The following CMTM4 variants were observed in gnomAD, a reference collection of about 807,000 sequenced individuals.
The protein encoded by CMTM4 is CKLF-like MARVEL transmembrane domain-containing protein 4.
A neutral mutation model predicts 19.0 loss-of-function variants in CMTM4; 8 were observed. The observed-to-expected ratio is 0.42, with a 90% CI of 0.25 to 0.76. CMTM4 has a LOEUF of 0.76. CMTM4 is among the 30% of genes least tolerant of loss of function. CMTM4 has a pLI of 0.27. For missense variants in CMTM4, 228 were observed against 290.2 expected (o/e 0.79, Z 1.56); for synonymous variants, 106 against 121.1 (o/e 0.88, Z 0.82).
At chr16:66,628,224 G>T (rs2015782418) in intron 2 of CMTM4, among the ~76,000 whole-genome samples, 1 of 152,176 alleles carries the variant, frequency 6.6e-6, no homozygotes, top group South Asian at 2.1e-4. Context: ...GTTCCCAGGG[G>T]CAGGCAGGAG....
intron 1 of CMTM4, among the ~76,000 whole-genome samples, chr16:66,689,942 C>T (rs370569955): frequency 3.5e-4 from 54 of 152,256 alleles, no homozygotes; most frequent in African/African-American, 1.2e-3. Context: ...TTTTGTAAAA[C>T]ACATGTACGC....
In CMTM4 at chr16:66,620,221, G is replaced by A; in HGVS notation, c.*1837C>T. 2 of 985,434 alleles carry A rather than the reference G, an allele frequency of 2.0e-6. No individual in the cohort carries two copies. Among genetic ancestry groups the A allele is most frequent in the Non-Finnish European group, 2.4e-6 (2 of 829,938 alleles). The allele number at this position is 985,434 out of a possible 1,614,324, so 61.0% of individuals were successfully genotyped here. On this transcript the variant is annotated 3_prime_UTR_variant, in exon 4 of 4. Coordinates refer to ENST00000394106, the MANE Select transcript of CMTM4 (RefSeq NM_181521.3). ...GAGCCTTTGTGGCCCTATTTTAAAAGGAACTCTCAAAGAGAGATAAGCCCA... is the reference window on the plus strand; with the variant it reads ...GAGCCTTTGTGGCCCTATTTTAAAAAGAACTCTCAAAGAGAGATAAGCCCA...
chr16:66,621,687 T>C lies in CMTM4; in HGVS notation c.*371A>G, dbSNP rs1596900476. 1 of 1,053,468 alleles carries C rather than the reference T, an allele frequency of 9.5e-7. No homozygotes were observed. The highest frequency in any genetic ancestry group is 1.2e-6 in the Non-Finnish European group (1 of 868,750). 65.3% of individuals were successfully genotyped at this position (1,053,468 alleles called of 1,614,324 possible). ...AACCACTGCCGACTGACCGTTCCAA[T>C]GCTGTCCCTTCATTCCTTCATATTT... is the stretch of plus-strand genomic sequence containing the variant. On this transcript the variant is annotated 3_prime_UTR_variant, in exon 4 of 4. Transcript: ENST00000394106.
chr16:66,679,650 C>A (rs1035175419), intron 1 of CMTM4, among the ~76,000 whole-genome samples: 2 of 151,808 alleles, frequency 1.3e-5, no homozygotes, highest in African/African-American at 4.8e-5. Context: ...ATGGTGAAAC[C>A]CTGTCTCTAC....
chr16:66,626,096 T>G (rs1399459235), intron 2 of CMTM4, among the ~76,000 whole-genome samples: 1 of 152,190 alleles, frequency 6.6e-6, no homozygotes, highest in Admixed American at 6.5e-5. Flanking sequence ...CAAGACCCTC[T>G]ACAGGATAAA....
In CMTM4 at chr16:66,696,546, G is replaced by A. The variant is rs1596973233; in HGVS notation, c.-21C>T. The stretch of plus-strand genomic sequence containing the variant: ...CGCATGCTGCCGCCCGGCCCGGGCC[G>A]CCTCGCGCGGCTGGCTCCCGGCGCC... On this transcript the variant is annotated 5_prime_UTR_variant, in exon 1 of 4. Coordinates refer to ENST00000394106, the MANE Select transcript of CMTM4 (RefSeq NM_181521.3). The surrounding 1 kb of genome is among the most constrained non-coding windows in gnomAD (Gnocchi z 4.3). The A allele has an allele frequency of 2.6e-6, 3 of 1,172,872 alleles. No individual in the cohort carries two copies. Among genetic ancestry groups the A allele is most frequent in the South Asian group, 8.3e-5 (2 of 23,980 alleles). 72.7% of individuals were successfully genotyped at this position (1,172,872 alleles called of 1,614,324 possible).
downstream of CMTM4, chr16:66,613,185 A>G (rs2015448855): frequency 1.4e-6 from 1 of 699,900 alleles, no homozygotes; most frequent in Non-Finnish European, 2.6e-6. Flanking sequence ...AAGCAGGGAG[A>G]AATTGACCTT....
Position 66,658,850 on chromosome 16 carries a change from G to T in CMTM4, c.187-22269C>A, listed in dbSNP as rs374787974. On this transcript the variant is annotated intron_variant, in intron 1 of 3. Transcript: ENST00000394106. The stretch of plus-strand genomic sequence containing the variant: ...CTGATCTAGCTCGTGAGCATCAGTA[G>T]CTATTAAAGCCACCGATGCGGAATT... Among the ~76,000 whole-genome samples, 150 of 152,240 alleles carry T rather than the reference G, an allele frequency of 9.9e-4. 4 individuals are homozygous for T. In the South Asian group the frequency reaches 0.03, roughly 30 times the overall value.
chr16:66,641,059 C>T (rs142423759), intron 1 of CMTM4, among the ~76,000 whole-genome samples: 1 of 152,260 alleles, frequency 6.6e-6, no homozygotes, highest in East Asian at 1.9e-4. Context: ...TGTTTGTTTG[C>T]TTTTTTAAGA....
chr16:66,605,063 C>G, the CMTM4 span: 3 of 977,266 alleles, frequency 3.1e-6, no homozygotes, highest in Non-Finnish European at 4.1e-6. The surrounding 1 kb of genome is among the most constrained non-coding windows in gnomAD (Gnocchi z 4.6). Flanking sequence ...TCCGATACCC[C>G]CTCTCCGCGC....
chr16:66,670,984 T>C (rs966252063), intron 1 of CMTM4, among the ~76,000 whole-genome samples: 2 of 152,194 alleles, frequency 1.3e-5, no homozygotes, highest in Non-Finnish European at 2.9e-5. Flanking sequence ...CCAGTATTTT[T>C]ACTTTTTTCT....
intron 1 of CMTM4, among the ~76,000 whole-genome samples, chr16:66,681,574 G>T (rs966009611): frequency 1.3e-5 from 2 of 152,164 alleles, no homozygotes; most frequent in African/African-American, 4.8e-5. Context: ...AAAGTGCTGG[G>T]ATTACAGACG....
At position 66,696,039 on chromosome 16, in the gene CMTM4, C is replaced by T. The variant is rs967225326; in HGVS notation, c.186+301G>A. On this transcript the variant is annotated intron_variant, in intron 1 of 3. Transcript: ENST00000394106. The surrounding 1 kb of genome is among the most constrained non-coding windows in gnomAD (Gnocchi z 4.3). ...CAGCAGGATTCCCAGCAGCACCCAG[C>T]CCAGTAACGCCACAGACTCCCGGGA... Among the ~76,000 whole-genome samples, 6 of 152,170 alleles carry T rather than the reference C, an allele frequency of 3.9e-5. No individual in the cohort carries two copies. Among genetic ancestry groups the T allele is most frequent in the South Asian group, 2.1e-4 (1 of 4,834 alleles).
intron 1 of CMTM4, among the ~76,000 whole-genome samples, chr16:66,646,501 A>G (rs2016203295): frequency 6.6e-6 from 1 of 152,120 alleles, no homozygotes; most frequent in Non-Finnish European, 1.5e-5. Context: ...TAGTAAACCC[A>G]TCTATATGGT....
At chr16:66,692,436 T>C (rs370435336) in intron 1 of CMTM4, among the ~76,000 whole-genome samples, 9 of 152,330 alleles carry the variant, frequency 5.9e-5, no homozygotes, top group African/African-American at 1.9e-4. Flanking sequence ...AACTTTAATG[T>C]ACACGTGGAT....
At chr16:66,609,569 C>T in the CMTM4 span, 2 of 1,547,834 alleles carry the variant, frequency 1.3e-6, no homozygotes, top group Non-Finnish European at 1.8e-6. The surrounding 1 kb of genome is among the most constrained non-coding windows in gnomAD (Gnocchi z 4.4). Context: ...CTGCAGATGC[C>T]CCTCTAGCCC....
intron 1 of CMTM4, among the ~76,000 whole-genome samples, chr16:66,686,230 G>GT (rs2017029113): frequency 6.7e-6 from 1 of 149,810 alleles, no homozygotes; most frequent in Non-Finnish European, 1.5e-5. Context: ...CTCCAGCCTG[G>GT]TGACAGAGCA....
rs951202454 is a variant in CMTM4, at chr16:66,622,638, C to T, written c.463-416G>A. On this transcript the variant is annotated intron_variant, in intron 3 of 3. Transcript: ENST00000394106. The surrounding 1 kb of genome is among the most constrained non-coding windows in gnomAD (Gnocchi z 4.0). Reference sequence around the variant, plus strand: ...GCCTCTGGTCCCAGATGAGAAAATACAGTGCAGACAAAATGTAACATAGAC... The same window carrying T: ...GCCTCTGGTCCCAGATGAGAAAATATAGTGCAGACAAAATGTAACATAGAC... 3.9e-5 allele frequency among the ~76,000 whole-genome samples: 6 copies of T among 152,264 alleles called. No individual in the cohort carries two copies. Among genetic ancestry groups the T allele is most frequent in the Middle Eastern group, 3.4e-3 (1 of 294 alleles).
chr16:66,612,910 G>A (rs527786051), downstream of CMTM4: 10 of 621,586 alleles, frequency 1.6e-5, no homozygotes, highest in South Asian at 1.1e-4. This position sits in a 1 kb window ranked among gnomAD's most constrained non-coding sequence, Gnocchi z 6.0. Flanking sequence ...GCCCTTTAAC[G>A]TCTCTGCCAA....
Sources: gnomAD v4.1 joint callset for allele counts (sites outside exome capture counted in the v4.1 genomes callset) on GRCh38, gnomAD v4.1.1 for gene constraint, Gnocchi (gnomAD v3.1) non-coding constraint, MANE v1.5 for transcripts, NCBI Gene and HGNC (gene_info 2026-07-23, HGNC 2026-07-21) for gene names.